JAZF1: variants seen among roughly 807,000 people sequenced by gnomAD.
JAZF1 encodes JAZF zinc finger 1.
In JAZF1, 8 loss-of-function variants were observed where a neutral mutation model predicts 26.4. The observed-to-expected ratio is 0.30, with a 90% CI of 0.18 to 0.55. JAZF1 has a LOEUF of 0.55. Ranked by LOEUF, JAZF1 falls within the 20% of genes least tolerant of loss-of-function variation. The pLI, the probability that JAZF1 is intolerant of heterozygous loss-of-function variation, is 0.94. For missense variants in JAZF1, 199 were observed against 322.0 expected, an observed-to-expected ratio of 0.62 and a Z score of 2.92; for synonymous variants, 126 against 122.3, an observed-to-expected ratio of 1.03 and a Z score of -0.20.
At chr7:28,045,832 C>T (rs1783487102) in intron 1 of JAZF1, among the ~76,000 whole-genome samples, 1 of 152,150 alleles carries the variant, frequency 6.6e-6, no homozygotes, top group Non-Finnish European at 1.5e-5. Flanking sequence ...ACTTGGCCTC[C>T]CAAAGTGCTG....
intron 2 of JAZF1, among the ~76,000 whole-genome samples, chr7:27,987,614 G>T (rs1239647632): frequency 6.6e-6 from 1 of 151,888 alleles, no homozygotes; most frequent in African/African-American, 2.4e-5. Flanking sequence ...GGAGGGAGAT[G>T]GGGGGTGCCT....
At chr7:28,103,424 C>G (rs1784504576) in intron 1 of JAZF1, among the ~76,000 whole-genome samples, 1 of 152,070 alleles carries the variant, frequency 6.6e-6, no homozygotes, top group Non-Finnish European at 1.5e-5. Context: ...CCACTGCACT[C>G]CAGCATGGGA....
intron 3 of JAZF1, among the ~76,000 whole-genome samples, chr7:27,857,152 C>CG (rs2128335336): frequency 6.6e-6 from 1 of 152,262 alleles, no homozygotes; most frequent in South Asian, 2.1e-4. Flanking sequence ...CCCATGGGGG[C>CG]GGGGGGAGGC....
intron 2 of JAZF1, among the ~76,000 whole-genome samples, chr7:27,930,277 G>A (rs1288869812): frequency 6.6e-6 from 1 of 152,180 alleles, no homozygotes; most frequent in Non-Finnish European, 1.5e-5. Context: ...TTACAGGCAT[G>A]AGCCACCGTG....
intron 1 of JAZF1, among the ~76,000 whole-genome samples, chr7:28,123,190 T>G (rs913215108): frequency 3.3e-5 from 5 of 152,032 alleles, no homozygotes; most frequent in African/African-American, 1.2e-4. Context: ...GCACATGCAG[T>G]TTGCTCTTGA....
chr7:28,130,377 T>C (rs535539113), intron 1 of JAZF1, among the ~76,000 whole-genome samples: 34 of 152,324 alleles, frequency 2.2e-4, no homozygotes, highest in African/African-American at 7.9e-4. Flanking sequence ...ACTAATTCTG[T>C]TCAACTAGGG....
intron 3 of JAZF1, among the ~76,000 whole-genome samples, chr7:27,847,517 G>C (rs938181012): frequency 6.6e-6 from 1 of 152,128 alleles, no homozygotes; most frequent in Non-Finnish European, 1.5e-5. Context: ...AGTTGTCCCA[G>C]CACCAATTAC....
intron 1 of JAZF1, among the ~76,000 whole-genome samples, chr7:28,088,432 G>C (rs1784242316): frequency 6.6e-6 from 1 of 152,168 alleles, no homozygotes; most frequent in Non-Finnish European, 1.5e-5. Context: ...TGACCACTGA[G>C]CCACAACTAG....
rs561272744 is a variant in JAZF1 at position 27,925,137 on chromosome 7, G to A, written c.189-29721C>T. Among the ~76,000 whole-genome samples the A allele has an allele frequency of 2.6e-3, 402 of 152,312 alleles. 2 individuals carry two copies. Among genetic ancestry groups the A allele is most frequent in the African/African-American group, 9.0e-3 (374 of 41,558 alleles). On this transcript the variant is annotated intron_variant, in intron 2 of 4. Transcript: ENST00000283928. ...GGACTTCTATGGAAGATCACTAAGGGTGGTAACTATCACTGAGGAGCCAAA... is the reference window on the plus strand; with the variant it reads ...GGACTTCTATGGAAGATCACTAAGGATGGTAACTATCACTGAGGAGCCAAA...
chr7:28,076,343 C>G (rs988790282), intron 1 of JAZF1, among the ~76,000 whole-genome samples: 6 of 152,086 alleles, frequency 3.9e-5, no homozygotes, highest in African/African-American at 1.4e-4. Context: ...GGAGCATGAA[C>G]AGAAACTGTG....
At chr7:28,107,103 C>A (rs530465553) in intron 1 of JAZF1, among the ~76,000 whole-genome samples, 1 of 152,340 alleles carries the variant, frequency 6.6e-6, no homozygotes, top group African/African-American at 2.4e-5. Context: ...CTGCCAACAT[C>A]GAATTAATCT....
chr7:27,978,678 A>G (rs974189117), intron 2 of JAZF1, among the ~76,000 whole-genome samples: 2 of 152,234 alleles, frequency 1.3e-5, no homozygotes, highest in African/African-American at 4.8e-5. Flanking sequence ...ATGCTTCAAG[A>G]AAAAGTGCTC....
At chr7:28,128,043 A>T (rs540764862) in intron 1 of JAZF1, among the ~76,000 whole-genome samples, 17 of 152,236 alleles carry the variant, frequency 1.1e-4, no homozygotes, top group Middle Eastern at 3.4e-3. Context: ...ACTCAATTAC[A>T]AAAAAGAGAT....
intron 3 of JAZF1, chr7:27,841,673 A>G (rs1237687431): frequency 6.6e-6 from 1 of 152,194 alleles, no homozygotes; most frequent in African/African-American, 2.4e-5. Context: ...CTCTGCTGAG[A>G]ATCGAATTGA....
chr7:27,920,895 T>C (rs566077082), intron 2 of JAZF1, among the ~76,000 whole-genome samples: 1 of 152,218 alleles, frequency 6.6e-6, no homozygotes, highest in Non-Finnish European at 1.5e-5. Flanking sequence ...GCTGTAGTAA[T>C]GTTGGCAAGT....
At chr7:28,020,992 G>C (rs1044754775) in intron 1 of JAZF1, among the ~76,000 whole-genome samples, 1 of 152,180 alleles carries the variant, frequency 6.6e-6, no homozygotes, top group African/African-American at 2.4e-5. Context: ...GAGCTACTCA[G>C]TAATGGAGGT....
chr7:28,095,915 G>T (rs1275044920), intron 1 of JAZF1, among the ~76,000 whole-genome samples: 1 of 152,206 alleles, frequency 6.6e-6, no homozygotes, highest in Admixed American at 6.5e-5. Flanking sequence ...GTCCTCACAC[G>T]GCTGAGACGG....
At chr7:27,844,687 A>C (rs1782986871) in intron 3 of JAZF1, 1 of 152,250 alleles carries the variant, frequency 6.6e-6, no homozygotes, top group African/African-American at 2.4e-5. Context: ...ATCTTAATAC[A>C]GGAATAGTTT....
At position 28,141,220 on chromosome 7, in the gene JAZF1, T is replaced by A. The variant is rs533042935; in HGVS notation, c.115+39243A>T. 1.4e-4 allele frequency among the ~76,000 whole-genome samples: 21 copies of A among 152,244 alleles called. No homozygotes were observed. The South Asian group carries it at 4.4e-3, about 32-fold the overall frequency. On this transcript the variant is annotated intron_variant, in intron 1 of 4. Coordinates refer to ENST00000283928, the MANE Select transcript of JAZF1 (RefSeq NM_175061.4). Reference sequence around the variant, plus strand: ...CAGAGAACATGTGACTTCTAGAAGGTTGAAGTTAACAAACAAAATGAACAA... The same window carrying A: ...CAGAGAACATGTGACTTCTAGAAGGATGAAGTTAACAAACAAAATGAACAA...
Sources: allele counts gnomAD v4.1 joint callset (sites outside exome capture counted in the v4.1 genomes callset), GRCh38; gene constraint gnomAD v4.1.1; transcripts MANE v1.5; gene names NCBI Gene and HGNC (gene_info 2026-07-23, HGNC 2026-07-21).